The following YWHAZ variants were observed in gnomAD, a reference collection of about 807,000 sequenced individuals.
The protein encoded by YWHAZ is tyrosine 3-monooxygenase/tryptophan 5-monooxygenase activation protein zeta.
For synonymous variants in YWHAZ, 87 were observed against 103.6 expected (o/e 0.84, Z 0.97); for missense variants, 79 against 284.8 (o/e 0.28, Z 5.20).
chr8:100,945,300 T>C (rs1325438738), intron 2 of YWHAZ, among the ~76,000 whole-genome samples: 1 of 152,282 alleles, frequency 6.6e-6, no homozygotes, highest in African/African-American at 2.4e-5. Context: ...GGTTAAACAA[T>C]AGATAAATAC....
chr8:100,943,489 A>G (rs746610904), intron 2 of YWHAZ, among the ~76,000 whole-genome samples: 1 of 152,204 alleles, frequency 6.6e-6, no homozygotes, highest in Non-Finnish European at 1.5e-5. Context: ...AATTAATCCA[A>G]AAGTCCAATG....
At chr8:100,946,516 A>C (rs570693871) in intron 2 of YWHAZ, among the ~76,000 whole-genome samples, 3 of 152,196 alleles carry the variant, frequency 2.0e-5, no homozygotes, top group African/African-American at 4.8e-5. Context: ...GTGCCATTGC[A>C]CTCCAGCCTG....
At chr8:100,940,663 G>A (rs937727374) in intron 2 of YWHAZ, among the ~76,000 whole-genome samples, 1 of 152,184 alleles carries the variant, frequency 6.6e-6, no homozygotes, top group African/African-American at 2.4e-5. Flanking sequence ...AAAAGGTAAA[G>A]CAGTGTATTT....
chr8:100,929,507 A>G (rs762949336), intron 2 of YWHAZ, among the ~76,000 whole-genome samples: 1 of 152,144 alleles, frequency 6.6e-6, no homozygotes, highest in Non-Finnish European at 1.5e-5. Flanking sequence ...GGCCTCAAAC[A>G]TTGATCTTCT....
At position 100,920,676 on chromosome 8, in the gene YWHAZ, A is replaced by C. The variant is rs1812941398; in HGVS notation, c.*17T>G. ...GTGTAAATTTTAGAATGAGGCAGAC[A>C]AAAGTTGGAAGGCCGGTTAATTTTC... On this transcript the variant is annotated 3_prime_UTR_variant, in exon 6 of 6. Coordinates refer to ENST00000395958, the MANE Select transcript of YWHAZ (RefSeq NM_145690.3). 6.2e-7 allele frequency: 1 copy of C among 1,606,100 alleles called. No individual in the cohort carries two copies.
chr8:100,951,548 G>A (rs1207748934), intron 1 of YWHAZ: 7 of 985,528 alleles, frequency 7.1e-6, no homozygotes, highest in Non-Finnish European at 7.2e-6. Flanking sequence ...GAAGCCCGCA[G>A]AGACAAGGGT....
intron 2 of YWHAZ, among the ~76,000 whole-genome samples, chr8:100,947,837 C>T (rs1463585266): frequency 6.6e-6 from 1 of 152,186 alleles, no homozygotes; most frequent in African/African-American, 2.4e-5. Flanking sequence ...AAATATTATT[C>T]CAAAAACTGC....
intron 2 of YWHAZ, among the ~76,000 whole-genome samples, chr8:100,925,836 T>C (rs1813324378): frequency 1.3e-5 from 2 of 152,296 alleles, no homozygotes; most frequent in South Asian, 4.1e-4. Context: ...ATCATTGTGT[T>C]GGGGATGGGA....
At position 100,918,650 on chromosome 8, in the gene YWHAZ, T is replaced by G. The variant is rs539896641; in HGVS notation, c.*2043A>C. ...AGGGCCAATATTTCCCAATTTAATC[T>G]GAGGTCATAATAAAACAAGCAACAA... On this transcript the variant is annotated 3_prime_UTR_variant, in exon 6 of 6. Coordinates refer to ENST00000395958, the MANE Select transcript of YWHAZ (RefSeq NM_145690.3). The G allele has an allele frequency of 1.4e-4, 22 of 151,874 alleles. No homozygotes were observed. Among genetic ancestry groups the G allele is most frequent in the African/African-American group, 4.8e-4 (20 of 41,408 alleles). 9.4% of individuals were successfully genotyped at this position (151,874 alleles called of 1,614,324 possible). A position where few individuals can be genotyped will look rare whatever the true frequency, so the allele number is the denominator to read the frequency against.
chr8:100,951,214 C>A (rs868009089), intron 1 of YWHAZ: 5 of 985,180 alleles, frequency 5.1e-6, no homozygotes, highest in South Asian at 9.4e-5. Context: ...CCCGCCGGCG[C>A]GCAGCCTCGC....
At chr8:100,950,001 A>C (rs747078577) in intron 1 of YWHAZ, among the ~76,000 whole-genome samples, 14 of 152,244 alleles carry the variant, frequency 9.2e-5, no homozygotes, top group Non-Finnish European at 1.8e-4. Flanking sequence ...TGAACAGAAG[A>C]GTCCACCTTG....
At position 100,920,689 on chromosome 8, in the gene YWHAZ, C is replaced by G; in HGVS notation, c.*4G>C. The G allele has an allele frequency of 1.2e-6, 2 of 1,602,266 alleles. No homozygotes were observed. Among genetic ancestry groups the G allele is most frequent in the Non-Finnish European group, 1.7e-6 (2 of 1,173,256 alleles). On this transcript the variant is annotated 3_prime_UTR_variant, in exon 6 of 6. Transcript: ENST00000395958. ...AATGAGGCAGACAAAAGTTGGAAGG[C>G]CGGTTAATTTTCCCCTCCTTCTCCT...
At chr8:100,929,506 C>T (rs1217252439) in intron 2 of YWHAZ, among the ~76,000 whole-genome samples, 1 of 152,160 alleles carries the variant, frequency 6.6e-6, no homozygotes, top group Non-Finnish European at 1.5e-5. Context: ...TGGCCTCAAA[C>T]ATTGATCTTC....
intron 2 of YWHAZ, among the ~76,000 whole-genome samples, chr8:100,926,678 G>A (rs1013342572): frequency 2.0e-5 from 3 of 152,176 alleles, no homozygotes; most frequent in Non-Finnish European, 4.4e-5. Flanking sequence ...TTTTGGTTAG[G>A]ATAGCAACCT....
intron 2 of YWHAZ, among the ~76,000 whole-genome samples, chr8:100,930,566 G>C (rs937133362): frequency 6.6e-6 from 1 of 152,198 alleles, no homozygotes; most frequent in African/African-American, 2.4e-5. Context: ...TTAATCTGTT[G>C]AATCTTCCTG....
At chr8:100,926,360 TGAGGCCG>T (rs1266480475) in intron 2 of YWHAZ, among the ~76,000 whole-genome samples, 1 of 152,220 alleles carries the variant, frequency 6.6e-6, no homozygotes, top group Admixed American at 6.5e-5. Flanking sequence ...AATACTGGCC[TGAGGCCG>T]GGCACAGTGG....
chr8:100,949,857 A>G (rs1810578989), intron 1 of YWHAZ, among the ~76,000 whole-genome samples: 1 of 152,042 alleles, frequency 6.6e-6, no homozygotes, highest in African/African-American at 2.4e-5. Context: ...CCTCAGCTAC[A>G]TTTTTCTGGA....
intron 2 of YWHAZ, among the ~76,000 whole-genome samples, chr8:100,940,594 CTTAAAT>C (rs1169030901): frequency 1.3e-5 from 2 of 152,334 alleles, no homozygotes; most frequent in African/African-American, 4.8e-5. Flanking sequence ...CTAAAGTTCT[CTTAAAT>C]TTAATCCAAA....
intron 2 of YWHAZ, among the ~76,000 whole-genome samples, chr8:100,941,825 ACAT>A (rs757841488): frequency 2.0e-5 from 1 of 50,104 alleles, no homozygotes; most frequent in Non-Finnish European, 5.2e-5. Context: ...AAAAAAAAAA[ACAT>A]CTCTAACTTC....
Sources: allele counts gnomAD v4.1 joint callset (sites outside exome capture counted in the v4.1 genomes callset), GRCh38; gene constraint gnomAD v4.1.1; transcripts MANE v1.5; gene names NCBI Gene and HGNC (gene_info 2026-07-23, HGNC 2026-07-21).